Variants in RNLS observed in about 807,000 individuals in gnomAD.
The protein encoded by RNLS is renalase.
In RNLS, 39 loss-of-function variants were observed where a neutral mutation model predicts 39.8. That is an observed-to-expected ratio of 0.98 (90% CI 0.76 to 1.28). The LOEUF (loss-of-function observed/expected upper bound fraction) is 1.28, where lower values mean the gene tolerates loss of function less well. Ranked by LOEUF, RNLS falls within the 50% of genes most tolerant of loss-of-function variation. RNLS has a pLI of 0.00. For missense variants in RNLS, 410 were observed against 413.3 expected (o/e 0.99, Z 0.07); for synonymous variants, 147 against 150.7 (o/e 0.98, Z 0.18).
intron 6 of RNLS, among the ~76,000 whole-genome samples, chr10:88,287,347 CT>C (rs1023461921): frequency 6.6e-6 from 1 of 152,082 alleles, no homozygotes; most frequent in African/African-American, 2.4e-5. Context: ...CAGACAAGAT[CT>C]TTGAGTGGCT....
In RNLS at chr10:88,460,041, A is replaced by C. The variant is rs1842860360; in HGVS notation, c.527-97316T>G. On this transcript the variant is annotated intron_variant, in intron 4 of 6. Coordinates refer to ENST00000331772, the MANE Select transcript of RNLS (RefSeq NM_001031709.3). The stretch of plus-strand genomic sequence containing the variant: ...ATTTTTTTGAGTTCAGCATGGTGTT[A>C]AGCAGTTTATTAGTTTATTTAATCC... Among the ~76,000 whole-genome samples, 4 of 152,290 alleles carry C rather than the reference A, an allele frequency of 2.6e-5. No individual in the cohort carries two copies. The South Asian group carries it at 8.3e-4, about 32-fold the overall frequency.
At chr10:88,321,961 C>T (rs955399801) in intron 5 of RNLS, among the ~76,000 whole-genome samples, 1 of 152,134 alleles carries the variant, frequency 6.6e-6, no homozygotes, top group African/African-American at 2.4e-5. Flanking sequence ...TCTATGAAAC[C>T]AGTATCATCC....
At chr10:88,338,621 GT>G (rs1021424232) in intron 5 of RNLS, among the ~76,000 whole-genome samples, 1 of 152,210 alleles carries the variant, frequency 6.6e-6, no homozygotes, top group Admixed American at 6.5e-5. Context: ...CTCACATGTA[GT>G]TTGATATACG....
chr10:88,394,963 T>G (rs1852459875), intron 4 of RNLS, among the ~76,000 whole-genome samples: 1 of 151,982 alleles, frequency 6.6e-6, no homozygotes, highest in African/African-American at 2.4e-5. Flanking sequence ...AAACACCGCA[T>G]GTTCTCACTC....
chr10:88,204,391 A>G, the RNLS span, among the ~76,000 whole-genome samples: 1 of 152,168 alleles, frequency 6.6e-6, no homozygotes, highest in East Asian at 1.9e-4. Context: ...ATGCAGTTGC[A>G]GGATAGGTGC....
chr10:88,316,740 C>A lies in RNLS; in HGVS notation c.701-2099G>T, dbSNP rs80254440. Among the ~76,000 whole-genome samples the A allele has an allele frequency of 1.4e-4, 21 of 152,196 alleles. No individual in the cohort carries two copies. The East Asian group carries it at 3.5e-3, about 25-fold the overall frequency. ...GAGCAATAAAACATGAAATTTAAGACCTAAAGTGAAATAGTTCTCGCATAA... is the reference window on the plus strand; with the variant it reads ...GAGCAATAAAACATGAAATTTAAGAACTAAAGTGAAATAGTTCTCGCATAA... On this transcript the variant is annotated intron_variant, in intron 5 of 6. Coordinates refer to ENST00000331772, the MANE Select transcript of RNLS (RefSeq NM_001031709.3).
At chr10:88,182,848 C>T in the RNLS span, among the ~76,000 whole-genome samples, 1 of 151,876 alleles carries the variant, frequency 6.6e-6, no homozygotes, top group African/African-American at 2.4e-5. Flanking sequence ...AGAAACAATA[C>T]CATTAGCAAG....
At chr10:88,197,758 T>C in the RNLS span, among the ~76,000 whole-genome samples, 1 of 152,158 alleles carries the variant, frequency 6.6e-6, no homozygotes, top group Non-Finnish European at 1.5e-5. Flanking sequence ...GGTGGCCTCA[T>C]TAAAGGACGA....
chr10:88,423,671 C>A (rs1854540814), intron 4 of RNLS, among the ~76,000 whole-genome samples: 1 of 152,210 alleles, frequency 6.6e-6, no homozygotes, highest in African/African-American at 2.4e-5. Context: ...AAAAAGCTGA[C>A]TATATTGGCA....
intron 5 of RNLS, among the ~76,000 whole-genome samples, chr10:88,355,909 TGGTG>T (rs1849134564): frequency 6.6e-6 from 1 of 152,188 alleles, no homozygotes; most frequent in African/African-American, 2.4e-5. Flanking sequence ...ACTTCAGCAA[TGGTG>T]GGCACCCCTC....
At chr10:88,246,485 G>C in the RNLS span, among the ~76,000 whole-genome samples, 1 of 151,712 alleles carries the variant, frequency 6.6e-6, no homozygotes, top group Non-Finnish European at 1.5e-5. Context: ...TTTCCCACCA[G>C]GAATACTGCC....
At chr10:88,185,035 C>T in the RNLS span, among the ~76,000 whole-genome samples, 2 of 152,114 alleles carry the variant, frequency 1.3e-5, no homozygotes, top group Non-Finnish European at 2.9e-5. Flanking sequence ...TCCTGTTGCC[C>T]TGCCTTTCCT....
chr10:88,343,890 T>C (rs1332511596), intron 5 of RNLS: 1 of 928,630 alleles, frequency 1.1e-6, no homozygotes, highest in Admixed American at 6.2e-5. Flanking sequence ...CTAACTCACA[T>C]TTGGTTTTCC....
chr10:88,360,261 C>G (rs1022111469), intron 5 of RNLS, among the ~76,000 whole-genome samples: 2 of 152,174 alleles, frequency 1.3e-5, no homozygotes, highest in Non-Finnish European at 2.9e-5. Context: ...AAAGATGACC[C>G]TAGTACCAGT....
At chr10:88,501,145 T>G (rs558898436) in intron 4 of RNLS, among the ~76,000 whole-genome samples, 5 of 152,166 alleles carry the variant, frequency 3.3e-5, no homozygotes, top group Admixed American at 3.3e-4. Context: ...TGCTTGATTA[T>G]TATTAGAAAA....
Position 88,352,834 on chromosome 10 carries a change from CTT to C in RNLS, c.700+9716_700+9717del, listed in dbSNP as rs1409270149. 2.0e-5 allele frequency among the ~76,000 whole-genome samples: 3 copies of C among 152,054 alleles called. No individual in the cohort carries two copies. The East Asian group carries it at 5.8e-4, about 29-fold the overall frequency. On this transcript the variant is annotated intron_variant, in intron 5 of 6. Coordinates refer to ENST00000331772, the MANE Select transcript of RNLS (RefSeq NM_001031709.3). Reference sequence around the variant, plus strand: ...GGTGGTGAATCTGTCTGGTCCTCGACTTTTTTTGGTTGGTAAGCTATTAATTA... The same window carrying C: ...GGTGGTGAATCTGTCTGGTCCTCGACTTTTTGGTTGGTAAGCTATTAATTA...
At chr10:88,375,977 T>G (rs545973109) in intron 4 of RNLS, among the ~76,000 whole-genome samples, 7 of 152,024 alleles carry the variant, frequency 4.6e-5, no homozygotes, top group Admixed American at 6.6e-5. Flanking sequence ...GTATGGTGAA[T>G]AAATGGTTGT....
chr10:88,202,365 G>T, the RNLS span, among the ~76,000 whole-genome samples: 3 of 151,938 alleles, frequency 2.0e-5, no homozygotes, highest in African/African-American at 7.3e-5. Context: ...GAGTTAGTGG[G>T]TGCAGCACAC....
At chr10:88,293,198 T>C (rs1031574620) in intron 6 of RNLS, among the ~76,000 whole-genome samples, 5 of 152,054 alleles carry the variant, frequency 3.3e-5, no homozygotes, top group African/African-American at 9.7e-5. Flanking sequence ...GTAATAATCT[T>C]CTTGCCTTGG....
Sources: gnomAD v4.1 joint callset for allele counts (sites outside exome capture counted in the v4.1 genomes callset) on GRCh38, gnomAD v4.1.1 for gene constraint, MANE v1.5 for transcripts, NCBI Gene and HGNC (gene_info 2026-07-23, HGNC 2026-07-21) for gene names.